Variants in NEB observed in about 807,000 individuals in gnomAD.
NEB encodes nebulin, also known as nemaline myopathy type 2.
Under a neutral mutation model 952.2 loss-of-function variants are expected in NEB, and 512 were observed. The ratio of observed to expected loss-of-function variants is 0.54; its 90% CI spans 0.50 to 0.58. The LOEUF is 0.58. NEB is among the 20% of genes least tolerant of loss of function. The pLI is 0.00. For synonymous variants in NEB, 2,900 were observed against 3,149.8 expected, an observed-to-expected ratio of 0.92 and a Z score of 2.66; for missense variants, 8,428 against 9,231.1, an observed-to-expected ratio of 0.91 and a Z score of 3.56.
In NEB at chr2:151,519,138, G is replaced by A. The variant is rs2080177978; in HGVS notation, c.22591-69C>T. ...TGGAACAGCACTAATGGAAATCAAA[G>A]TGAGATAGCCCATCGTCAAACAAAT... On this transcript the variant is annotated intron_variant, in intron 154 of 181. Coordinates refer to ENST00000397345, the MANE Select transcript of NEB (RefSeq NM_001164508.2). The A allele has an allele frequency of 4.2e-6, 4 of 954,478 alleles. No individual in the cohort carries two copies. The East Asian group carries it at 9.8e-5, about 23-fold the overall frequency. 59.1% of individuals were successfully genotyped at this position (954,478 alleles called of 1,614,324 possible).
chr2:151,635,897 T>A (rs971479662), intron 64 of NEB, among the ~76,000 whole-genome samples: 129 of 152,144 alleles, frequency 8.5e-4, no homozygotes, highest in African/African-American at 2.9e-3. Context: ...ATGAGTTATA[T>A]CTTCTATAAG....
At chr2:151,619,865 A>C in intron 72 of NEB, 103 bp from the exon 73 acceptor site, 6 of 1,229,808 alleles carry the variant, frequency 4.9e-6, no homozygotes, top group Non-Finnish European at 5.6e-6. Flanking sequence ...GCAACAGAGG[A>C]GTTTCACTGG....
rs2099513754 is a variant in NEB at position 151,687,698 on chromosome 2, G to A, written c.2451C>T (p.Ala817=). Residue 817 remains alanine, a synonymous_variant, in exon 26 of 182, where the codon GCC becomes GCT. Transcript: ENST00000397345. The part of the protein sequence containing the change: ...VYKQDWEKSK[A]KKFDIKVDAI... ...CGTCCACTTTAATGTCAAACTTCTTGGCTTTGCTCTTCTCCCAGTCTTGCT... is the reference window on the plus strand; with the variant it reads ...CGTCCACTTTAATGTCAAACTTCTTAGCTTTGCTCTTCTCCCAGTCTTGCT... The A allele has an allele frequency of 6.3e-7, 1 of 1,598,846 alleles. No individual in the cohort carries two copies. The highest frequency in any genetic ancestry group is 8.5e-7 in the Non-Finnish European group (1 of 1,171,818).
At chr2:151,530,328 C>A (rs986930621) in intron 145 of NEB, among the ~76,000 whole-genome samples, 10 of 152,134 alleles carry the variant, frequency 6.6e-5, no homozygotes, top group Admixed American at 5.2e-4. Context: ...GTTTTTCCAT[C>A]CTGGGCCTGG....
chr2:151,654,132 T>A, intron 51 of NEB, 33 bp from the exon 52 acceptor site: 1 of 1,413,094 alleles, frequency 7.1e-7, no homozygotes, highest in Non-Finnish European at 9.8e-7. Context: ...AGCATTATTC[T>A]GTCTATATAA....
Position 151,551,306 on chromosome 2 carries a change from G to C in NEB, c.19944+432C>G, listed in dbSNP as rs142813503. Among the ~76,000 whole-genome samples, 9 of 152,228 alleles carry C rather than the reference G, an allele frequency of 5.9e-5. No homozygotes were observed. In the East Asian group the frequency reaches 1.7e-3, roughly 29 times the overall value. ...TAATACACAAGATGGGAAATAACAT[G>C]AAAAGTTGAGACCAAATCAGCACCA... On this transcript the variant is annotated intron_variant, in intron 129 of 181. Transcript: ENST00000397345.
In NEB at chr2:151,690,813, C is replaced by G. The variant is rs945586712; in HGVS notation, c.2224G>C (p.Val742Leu). 3.8e-6 allele frequency: 6 copies of G among 1,584,406 alleles called. No homozygotes were observed. In the African/African-American group the frequency reaches 6.7e-5, roughly 18 times the overall value. Residue 742 changes from valine to leucine, a missense_variant, in exon 24 of 182, where the codon GTT (valine) becomes CTT (leucine). This residue lies in a region of NEB where 2,851 missense variants were observed against 2,791.5 expected (regional missense o/e 1.02). Transcript: ENST00000397345. The stretch of plus-strand genomic sequence containing the variant: ...GTGAATTTGGTCTTATCTGGATGAA[C>G]TTTGTAGGTATGCTAGAAAAGAAGA... ...LDQCKDHTYK[V>L]HPDKTKFTAV...
intron 126 of NEB, 93 bp downstream of exon 126, chr2:151,553,735 A>C (rs1287627497): frequency 1.6e-6 from 2 of 1,243,262 alleles, no homozygotes; most frequent in Non-Finnish European, 2.2e-6. Flanking sequence ...TAGTGGAAAA[A>C]GGCTAAGGTA....
At chr2:151,569,057 C>T (rs531914447) in intron 110 of NEB, among the ~76,000 whole-genome samples, 5 of 152,214 alleles carry the variant, frequency 3.3e-5, no homozygotes, top group Non-Finnish European at 7.4e-5. Context: ...TATACAATGC[C>T]AAGCATCAGT....
chr2:151,561,155 A>G (rs1468272831), intron 122 of NEB, 47 bp from the exon 123 acceptor site: 2 of 1,570,084 alleles, frequency 1.3e-6, no homozygotes, highest in Non-Finnish European at 1.7e-6. Flanking sequence ...GTTAGAAAAT[A>G]CATAAAGACA....
chr2:151,636,322 G>A lies in NEB; in HGVS notation c.9007C>T (p.Leu3003Phe). ...KINYSESLYK[L>F]ANEEAKKKGY... The stretch of plus-strand genomic sequence containing the variant: ...TTCTTCTTTGCTTCTTCATTAGCAA[G>A]TTTGTACAGACTCTAAATTTGGGGG... The change falls in exon 64 of 182, where the codon CTT (leucine) becomes TTT (phenylalanine). Residue 3003 changes from leucine (L) to phenylalanine (F), a missense_variant. By Grantham distance (22) the Leu-to-Phe change is conservative. Around this residue, in one of 11 missense-constraint regions of NEB, gnomAD observed 1,772 missense variants for 1,960.3 expected, o/e 0.90. Transcript: ENST00000397345. 1 of 1,605,812 alleles carries A rather than the reference G, an allele frequency of 6.2e-7. No individual in the cohort carries two copies. The highest frequency in any genetic ancestry group is 8.5e-7 in the Non-Finnish European group (1 of 1,179,270).
At chr2:151,494,598 G>A (rs1194895504) in intron 173 of NEB, among the ~76,000 whole-genome samples, 2 of 152,138 alleles carry the variant, frequency 1.3e-5, no homozygotes, top group East Asian at 3.8e-4. Flanking sequence ...ATCACACTGA[G>A]AAGGTTGAGG....
chr2:151,636,620 A>G (rs1473391576), intron 63 of NEB, among the ~76,000 whole-genome samples: 1 of 152,112 alleles, frequency 6.6e-6, no homozygotes, highest in African/African-American at 2.4e-5. Context: ...TCTCTACTAA[A>G]TATAAAAAAA....
At chr2:151,604,256 A>C (rs2097597697) in intron 85 of NEB, among the ~76,000 whole-genome samples, 1 of 118,344 alleles carries the variant, frequency 8.4e-6, no homozygotes, top group Non-Finnish European at 1.7e-5. Flanking sequence ...TTATGCTTAC[A>C]TCTACTTATG....
At chr2:151,623,807 A>C (rs2098464239) in intron 71 of NEB, among the ~76,000 whole-genome samples, 1 of 152,164 alleles carries the variant, frequency 6.6e-6, no homozygotes, top group African/African-American at 2.4e-5. Context: ...TTTAGGAATA[A>C]ATGTTCATAT....
intron 65 of NEB, among the ~76,000 whole-genome samples, chr2:151,631,697 A>C (rs777760429): frequency 6.6e-5 from 10 of 152,198 alleles, no homozygotes; most frequent in Admixed American, 2.6e-4. Flanking sequence ...GCCCTTAGTG[A>C]ATCAATTTTA....
intron 40 of NEB, 50 bp from the exon 41 acceptor site, chr2:151,666,451 T>C (rs772403298): frequency 5.2e-6 from 8 of 1,542,758 alleles, no homozygotes; most frequent in Non-Finnish European, 7.0e-6. Flanking sequence ...AGAAGTCTGA[T>C]ATAAACTGAA....
rs767908602 is a variant in NEB at position 151,627,727 on chromosome 2, C to G, written c.9939G>C (p.Gln3313His). 6.8e-6 allele frequency: 11 copies of G among 1,613,850 alleles called. No homozygotes were observed. Among genetic ancestry groups the G allele is most frequent in the African/African-American group, 2.7e-5 (2 of 74,918 alleles). ...MMWSMHVAKI[Q>H]SDREYKKDFE... ...AGTCCTTCTTATACTCCCTGTCACT[C>G]TGGATCTTGGCCACATGCATGGACC... is the stretch of plus-strand genomic sequence containing the variant. The change falls in exon 69 of 182, where the codon CAG (glutamine) becomes CAC (histidine). Residue 3313 changes from glutamine to histidine, a missense_variant. This residue lies in a region of NEB where 1,772 missense variants were observed against 1,960.3 expected (regional missense o/e 0.90). Transcript: ENST00000397345.
At chr2:151,651,914 C>T (rs1384801371) in intron 52 of NEB, among the ~76,000 whole-genome samples, 1 of 152,016 alleles carries the variant, frequency 6.6e-6, no homozygotes, top group African/African-American at 2.4e-5. Flanking sequence ...CCTGACCTTC[C>T]GTATCAAGAA....
Sources: allele counts gnomAD v4.1 joint callset (sites outside exome capture counted in the v4.1 genomes callset), GRCh38; gene constraint gnomAD v4.1.1; regional missense constraint gnomAD v4.1.1; transcripts MANE v1.5; gene names NCBI Gene and HGNC (gene_info 2026-07-23, HGNC 2026-07-21).